Variants in ACACA observed in about 807,000 individuals in gnomAD.
ACACA encodes acetyl-CoA carboxylase alpha, also known as acetyl-CoA carboxylase 1.
A neutral mutation model predicts 296.1 loss-of-function variants in ACACA; 103 were observed. That is an observed-to-expected ratio of 0.35 (90% CI 0.30 to 0.41). The LOEUF (loss-of-function observed/expected upper bound fraction) is 0.41, where lower values mean the gene tolerates loss of function less well. Among genes scored for constraint, ACACA ranks in the 10% least tolerant of loss-of-function variants. The pLI is 1.00. For missense variants in ACACA, 1,554 were observed against 2,989.7 expected (o/e 0.52, Z 11.20); for synonymous variants, 953 against 1,038.6 (o/e 0.92, Z 1.58).
chr17:37,245,032 A>G, intron 20 of ACACA, 48 bp downstream of exon 20: 2 of 1,613,804 alleles, frequency 1.2e-6, no homozygotes, highest in Non-Finnish European at 1.7e-6. Context: ...CAAACCACCA[A>G]GTTCTTTAGC....
At chr17:37,289,248 T>A (rs538836309) in intron 3 of ACACA, among the ~76,000 whole-genome samples, 7 of 151,458 alleles carry the variant, frequency 4.6e-5, no homozygotes, top group African/African-American at 1.7e-4. Context: ...GGTGACAGAG[T>A]TAGACTCCAT....
chr17:37,302,732 G>A (rs891102713), intron 3 of ACACA, among the ~76,000 whole-genome samples: 1 of 151,972 alleles, frequency 6.6e-6, no homozygotes, highest in Non-Finnish European at 1.5e-5. Flanking sequence ...TTTTTGGATT[G>A]TTCATTTCTA....
At chr17:37,202,648 GCTTTTCTTTC>G (rs1180957125) in intron 33 of ACACA, among the ~76,000 whole-genome samples, 2 of 106,084 alleles carry the variant, frequency 1.9e-5, no homozygotes, top group African/African-American at 6.9e-5. Flanking sequence ...TTCTTAAATT[GCTTTTCTTTC>G]CTTTTCTTTC....
intron 51 of ACACA, among the ~76,000 whole-genome samples, chr17:37,112,450 T>TA (rs2074027700): frequency 6.6e-6 from 1 of 152,198 alleles, no homozygotes; most frequent in African/African-American, 2.4e-5. Context: ...TACAGTTTAG[T>TA]AAGTTATGAG....
intron 20 of ACACA, among the ~76,000 whole-genome samples, 158 bp downstream of exon 20, chr17:37,244,922 G>A (rs1261138576): frequency 6.6e-6 from 1 of 152,190 alleles, no homozygotes; most frequent in East Asian, 1.9e-4. Context: ...GCAAACTCTA[G>A]TTCCATAATA....
At chr17:37,264,026 C>A (rs938614651) in intron 10 of ACACA, 132 bp from the exon 11 acceptor site, 1 of 711,960 alleles carries the variant, frequency 1.4e-6, no homozygotes, top group Non-Finnish European at 2.4e-6. Context: ...AGCAGAAATA[C>A]AAAACTGAAT....
At chr17:37,342,180 G>C (rs892412491) in intron 1 of ACACA, among the ~76,000 whole-genome samples, 1 of 151,402 alleles carries the variant, frequency 6.6e-6, no homozygotes, top group Non-Finnish European at 1.5e-5. Flanking sequence ...AGATGAAGAC[G>C]GGCAGATCAC....
At chr17:37,384,096 T>A (rs2050423551) in intron 1 of ACACA, among the ~76,000 whole-genome samples, 1 of 152,138 alleles carries the variant, frequency 6.6e-6, no homozygotes, top group Admixed American at 6.5e-5. Context: ...AAACCCCGTC[T>A]CTACTAAAAA....
In ACACA at chr17:37,263,701, A is replaced by G. The variant is rs778490055; in HGVS notation, c.1313T>C (p.Phe438Ser). ...APATIATPAV[F>S]EHMEQCAVKL... is the part of the protein sequence containing the mutation. ...TATATGTACCTGTTCCATGTGTTCA[A>G]ATACTGCTGGAGTAGCAATAGTAGC... The change falls in exon 11 of 56, where the codon TTT becomes TCT. Residue 438 changes from phenylalanine to serine, a missense_variant. Around this residue, in one of 16 missense-constraint regions of ACACA, gnomAD observed 82 missense variants for 185.2 expected, o/e 0.44. Coordinates refer to ENST00000616317, the MANE Select transcript of ACACA (RefSeq NM_198834.3). 8.1e-6 allele frequency: 13 copies of G among 1,613,964 alleles called. No homozygotes were observed. Among genetic ancestry groups the G allele is most frequent in the Non-Finnish European group, 6.8e-6 (8 of 1,179,952 alleles).
intron 1 of ACACA, among the ~76,000 whole-genome samples, chr17:37,341,742 C>G (rs980751070): frequency 1.3e-5 from 2 of 151,838 alleles, no homozygotes; most frequent in Non-Finnish European, 2.9e-5. Flanking sequence ...TCCCTCACCC[C>G]CTCCACTTTA....
chr17:37,119,895 CTT>C (rs36029062), intron 50 of ACACA, among the ~76,000 whole-genome samples: 13 of 134,356 alleles, frequency 9.7e-5, no homozygotes, highest in Non-Finnish European at 1.1e-4. Flanking sequence ...TTCTTTCTTT[CTT>C]TTTTTTTTTT....
At chr17:37,333,341 T>C (rs1160134334) in intron 2 of ACACA, among the ~76,000 whole-genome samples, 3 of 147,294 alleles carry the variant, frequency 2.0e-5, no homozygotes, top group Non-Finnish European at 3.0e-5. Context: ...GCCGGTGTCA[T>C]CAGAAAGGAA....
chr17:37,096,779 G>C (rs1055124120), intron 54 of ACACA, among the ~76,000 whole-genome samples: 5 of 152,160 alleles, frequency 3.3e-5, no homozygotes, highest in African/African-American at 1.2e-4. Context: ...CTGAATGATT[G>C]CATAAGCTGC....
chr17:37,391,879 CAG>C, intron 1 of ACACA: 3 of 696,772 alleles, frequency 4.3e-6, no homozygotes, highest in South Asian at 3.5e-5. Context: ...GTGGGCTTAG[CAG>C]AGTTACCCTC....
At chr17:37,247,815 G>T (rs2080788567) in intron 18 of ACACA, 196 bp downstream of exon 18, 4 of 629,494 alleles carry the variant, frequency 6.4e-6, no homozygotes, top group African/African-American at 1.8e-5. Context: ...ACATACACTG[G>T]AGTGGTAGGG....
chr17:37,143,536 T>C (rs913297996), intron 45 of ACACA: 1 of 484,030 alleles, frequency 2.1e-6, no homozygotes, highest in African/African-American at 2.0e-5. Context: ...GGTAGTGTGT[T>C]AACTATACAA....
At chr17:37,244,933 C>G in intron 20 of ACACA, 147 bp downstream of exon 20, 1 of 1,354,608 alleles carries the variant, frequency 7.4e-7, no homozygotes. Context: ...TTCCATAATA[C>G]TACAGGCACA....
At chr17:37,381,907 G>A (rs74862077) in intron 1 of ACACA, among the ~76,000 whole-genome samples, 5,552 of 152,054 alleles carry the variant, frequency 0.037, 295 homozygotes, top group African/African-American at 0.11. Flanking sequence ...GATTACAGGC[G>A]TGAGCCACTG....
In ACACA at chr17:37,354,227, T is replaced by C. The variant is rs1207581262; in HGVS notation, c.39-14377A>G. The stretch of plus-strand genomic sequence containing the variant: ...AATGGTAAACATTATTGTGGTTCCT[T>C]ATATAAAACAGCATGAGTATGGCAT... On this transcript the variant is annotated intron_variant, in intron 1 of 55. Coordinates refer to ENST00000616317, the MANE Select transcript of ACACA (RefSeq NM_198834.3). Among the ~76,000 whole-genome samples, 3 of 152,324 alleles carry C rather than the reference T, an allele frequency of 2.0e-5. 1 individual carries two copies. The highest frequency in any genetic ancestry group is 6.8e-3 in the Middle Eastern group (2 of 294).
Sources: gnomAD v4.1 joint callset for allele counts (sites outside exome capture counted in the v4.1 genomes callset) on GRCh38, gnomAD v4.1.1 for gene constraint, gnomAD v4.1.1 regional missense constraint, MANE v1.5 for transcripts, NCBI Gene and HGNC (gene_info 2026-07-23, HGNC 2026-07-21) for gene names.